The following CNTN4 variants were observed in gnomAD, a reference collection of about 807,000 sequenced individuals.
CNTN4 encodes contactin 4, also known as contactin-4.
Under a neutral mutation model 122.5 loss-of-function variants are expected in CNTN4, and 77 were observed. The ratio of observed to expected loss-of-function variants is 0.63; its 90% CI spans 0.52 to 0.76. CNTN4 has a LOEUF of 0.76. Among genes scored for constraint, CNTN4 ranks in the 30% least tolerant of loss-of-function variants. The pLI is 0.00. For synonymous variants in CNTN4, 512 were observed against 447.0 expected (o/e 1.15, Z -1.83); for missense variants, 1,256 against 1,259.1 (o/e 1.00, Z 0.04).
At chr3:2,212,549 A>T (rs932477912) in intron 2 of CNTN4, among the ~76,000 whole-genome samples, 2 of 152,104 alleles carry the variant, frequency 1.3e-5, no homozygotes. Flanking sequence ...TTACTACCAC[A>T]AAAACAGTAT....
intron 2 of CNTN4, among the ~76,000 whole-genome samples, chr3:2,167,969 C>G (rs185873631): frequency 6.6e-6 from 1 of 152,264 alleles, no homozygotes; most frequent in East Asian, 1.9e-4. Context: ...AAGACTCCAT[C>G]TCTACAAAAA....
intron 4 of CNTN4, among the ~76,000 whole-genome samples, chr3:2,692,445 G>A (rs180948050): frequency 1.3e-5 from 2 of 152,196 alleles, no homozygotes; most frequent in African/African-American, 4.8e-5. Flanking sequence ...TGGAGAGAGG[G>A]AGCATTGATT....
chr3:2,875,570 C>T (rs144575607), intron 8 of CNTN4, among the ~76,000 whole-genome samples: 249 of 152,280 alleles, frequency 1.6e-3, no homozygotes, highest in African/African-American at 4.3e-3. Context: ...TGGCTGCTTT[C>T]CAGCTACAAT....
chr3:2,172,451 G>C lies in CNTN4; in HGVS notation c.-145+71812G>C, dbSNP rs143214145. On this transcript the variant is annotated intron_variant, in intron 2 of 24. Coordinates refer to ENST00000418658, the MANE Select transcript of CNTN4 (RefSeq NM_175607.3). Reference sequence around the variant, plus strand: ...TAAAAGACTACATATTGGGTACAGTGTTCATTGCTTGGGTGATGGCTGCAA... The same window carrying C: ...TAAAAGACTACATATTGGGTACAGTCTTCATTGCTTGGGTGATGGCTGCAA... Among the ~76,000 whole-genome samples, 263 of 152,194 alleles carry C rather than the reference G, an allele frequency of 1.7e-3. 7 individuals are homozygous for C. The East Asian group carries it at 0.041, about 24-fold the overall frequency.
chr3:2,105,817 C>G (rs2032395538), intron 2 of CNTN4, among the ~76,000 whole-genome samples: 1 of 152,158 alleles, frequency 6.6e-6, no homozygotes, highest in Non-Finnish European at 1.5e-5. Flanking sequence ...GGCATTAGCT[C>G]AAAAGTCCAC....
At chr3:2,930,193 T>G (rs2094507484) in intron 13 of CNTN4, among the ~76,000 whole-genome samples, 1 of 152,232 alleles carries the variant, frequency 6.6e-6, no homozygotes, top group Non-Finnish European at 1.5e-5. Context: ...GTATCTGATT[T>G]TCTTCAGACA....
At chr3:2,433,285 C>T (rs986803191) in intron 3 of CNTN4, among the ~76,000 whole-genome samples, 4 of 152,128 alleles carry the variant, frequency 2.6e-5, no homozygotes, top group African/African-American at 9.7e-5. Flanking sequence ...TCCCTTTCTC[C>T]ACACCTTTGC....
intron 2 of CNTN4, among the ~76,000 whole-genome samples, chr3:2,290,256 G>C (rs528337924): frequency 6.6e-6 from 1 of 152,162 alleles, no homozygotes; most frequent in Non-Finnish European, 1.5e-5. Context: ...GAGAGCTTCC[G>C]GGCCATAATG....
At chr3:2,909,194 C>G (rs997566484) in intron 12 of CNTN4, among the ~76,000 whole-genome samples, 3 of 152,186 alleles carry the variant, frequency 2.0e-5, no homozygotes, top group Admixed American at 2.0e-4. Context: ...ACATGCCTTT[C>G]TTACCCAACT....
At chr3:2,715,255 T>A (rs1189869977) in intron 4 of CNTN4, among the ~76,000 whole-genome samples, 3 of 152,168 alleles carry the variant, frequency 2.0e-5, no homozygotes, top group African/African-American at 7.2e-5. Context: ...GAAAATGAAT[T>A]GTGAAAATAC....
chr3:2,119,911 G>A (rs2033607669), intron 2 of CNTN4, among the ~76,000 whole-genome samples: 1 of 152,138 alleles, frequency 6.6e-6, no homozygotes, highest in African/African-American at 2.4e-5. Flanking sequence ...AGGAGAAAAG[G>A]AAAGTGCTGA....
intron 2 of CNTN4, among the ~76,000 whole-genome samples, chr3:2,317,549 C>T (rs1288543263): frequency 1.3e-5 from 2 of 152,158 alleles, no homozygotes; most frequent in East Asian, 1.9e-4. Flanking sequence ...CCCATTGGTT[C>T]GTTGTGCAGT....
At chr3:2,133,343 C>T (rs1037684922) in intron 2 of CNTN4, among the ~76,000 whole-genome samples, 3 of 152,104 alleles carry the variant, frequency 2.0e-5, no homozygotes, top group Non-Finnish European at 2.9e-5. Flanking sequence ...GTCATTGTCT[C>T]TTCAGGTGGA....
chr3:2,862,845 C>T (rs10510240), intron 7 of CNTN4, among the ~76,000 whole-genome samples: 20,025 of 152,100 alleles, frequency 0.13, 1,456 homozygotes, highest in Middle Eastern at 0.25. Context: ...CTGATAAAAA[C>T]AGATTTTGGT....
At chr3:2,310,353 T>A (rs2042870195) in intron 2 of CNTN4, among the ~76,000 whole-genome samples, 1 of 152,178 alleles carries the variant, frequency 6.6e-6, no homozygotes, top group African/African-American at 2.4e-5. Context: ...ACTGTGGAGC[T>A]ATGGGATCTG....
At chr3:2,486,811 T>C (rs180975876) in intron 3 of CNTN4, among the ~76,000 whole-genome samples, 2 of 152,318 alleles carry the variant, frequency 1.3e-5, no homozygotes, top group East Asian at 3.9e-4. Flanking sequence ...AGATTGGTCA[T>C]GTTACCAGAA....
chr3:3,034,205 G>C lies in CNTN4; in HGVS notation c.1784-427G>C, dbSNP rs562134514. The stretch of plus-strand genomic sequence containing the variant: ...GTGGTAGAAATAACCATTTCCAGCA[G>C]ACTATACTCTTTATGAAATCAGGAG... On this transcript the variant is annotated intron_variant, in intron 16 of 24. Transcript: ENST00000418658. Among the ~76,000 whole-genome samples the C allele has an allele frequency of 2.0e-5, 3 of 152,262 alleles. No individual in the cohort carries two copies. In the East Asian group the frequency reaches 5.8e-4, roughly 29 times the overall value.
At chr3:2,572,739 C>A (rs1268390710) in intron 4 of CNTN4, among the ~76,000 whole-genome samples, 1 of 152,196 alleles carries the variant, frequency 6.6e-6, no homozygotes, top group Non-Finnish European at 1.5e-5. Context: ...CACAAGCCAG[C>A]CCTGTACTGG....
intron 2 of CNTN4, among the ~76,000 whole-genome samples, chr3:2,320,851 A>G (rs1480862015): frequency 6.6e-6 from 1 of 152,162 alleles, no homozygotes; most frequent in South Asian, 2.1e-4. Flanking sequence ...CAGCATAAGT[A>G]CATCTGTGTT....
Sources: gnomAD v4.1 joint callset for allele counts (sites outside exome capture counted in the v4.1 genomes callset) on GRCh38, gnomAD v4.1.1 for gene constraint, MANE v1.5 for transcripts, NCBI Gene and HGNC (gene_info 2026-07-23, HGNC 2026-07-21) for gene names.